MYO16: variants seen among roughly 807,000 people sequenced by gnomAD.
The protein encoded by MYO16 is myosin XVI.
Under a neutral mutation model 205.3 loss-of-function variants are expected in MYO16, and 94 were observed. The observed-to-expected ratio is 0.46, with a 90% CI of 0.39 to 0.54. The LOEUF is 0.54. MYO16 is among the 20% of genes least tolerant of loss of function. The pLI, the probability that MYO16 is intolerant of heterozygous loss-of-function variation, is 0.00. For synonymous variants in MYO16, 988 were observed against 954.0 expected (o/e 1.04, Z -0.66); for missense variants, 2,315 against 2,387.5 (o/e 0.97, Z 0.63).
chr13:108,861,935 A>G lies in MYO16; in HGVS notation c.1360-4242A>G, dbSNP rs369079000. ...AGCGTATTTAAAAGAAGCAAAGTGT[A>G]CAATTTTACAGATTCTTTAGGGTTC... On this transcript the variant is annotated intron_variant, in intron 11 of 34. Transcript: ENST00000457511. Among the ~76,000 whole-genome samples, 9 of 152,298 alleles carry G rather than the reference A, an allele frequency of 5.9e-5. No individual in the cohort carries two copies. In the South Asian group the frequency reaches 8.3e-4, roughly 14 times the overall value.
intron 1 of MYO16, among the ~76,000 whole-genome samples, chr13:108,622,757 A>G (rs1166469008): frequency 2.0e-5 from 3 of 152,060 alleles, no homozygotes; most frequent in East Asian, 1.9e-4. Flanking sequence ...GATGGGAAAC[A>G]TGAAGTCGTG....
chr13:108,703,793 G>C (rs1253585386), intron 2 of MYO16, among the ~76,000 whole-genome samples: 1 of 152,092 alleles, frequency 6.6e-6, no homozygotes, highest in Non-Finnish European at 1.5e-5. Flanking sequence ...TCTATTATGG[G>C]CTAAATTTTG....
intron 20 of MYO16, among the ~76,000 whole-genome samples, chr13:108,976,912 G>C (rs1884280947): frequency 6.6e-6 from 1 of 151,960 alleles, no homozygotes; most frequent in Non-Finnish European, 1.5e-5. Context: ...TTTGCCTCAG[G>C]TTTTCGTTAT....
At chr13:108,653,751 G>T (rs1881115682) in intron 1 of MYO16, among the ~76,000 whole-genome samples, 1 of 150,834 alleles carries the variant, frequency 6.6e-6, no homozygotes, top group African/African-American at 2.4e-5. Context: ...GGATATATAT[G>T]CTTATATGCA....
intron 16 of MYO16, among the ~76,000 whole-genome samples, chr13:108,943,020 G>A (rs1319345615): frequency 6.6e-6 from 1 of 152,158 alleles, no homozygotes; most frequent in African/African-American, 2.4e-5. Flanking sequence ...AGCATGATTA[G>A]TATCAAATTA....
chr13:108,747,224 A>G (rs955650104), intron 4 of MYO16, among the ~76,000 whole-genome samples: 2 of 152,242 alleles, frequency 1.3e-5, no homozygotes, highest in Admixed American at 1.3e-4. Context: ...TACATGAAGA[A>G]TAGAGAACAT....
Position 108,898,042 on chromosome 13 carries a change from A to G in MYO16, c.1686A>G (p.Gly562=). The G allele has an allele frequency of 6.2e-7, 1 of 1,613,928 alleles. No homozygotes were observed. Among genetic ancestry groups the G allele is most frequent in the Non-Finnish European group, 8.5e-7 (1 of 1,179,782 alleles). The change falls in exon 15 of 35, where the codon GGA becomes GGG. Residue 562 remains glycine, a synonymous_variant. Transcript: ENST00000457511. The part of the protein sequence containing the change: ...KHVVCILEAF[G]HAKTTLNDLS... ...TCGTGTGCATCTTAGAAGCCTTTGGACATGCCAAGACCACACTTAATGATT... is the reference window on the plus strand; with the variant it reads ...TCGTGTGCATCTTAGAAGCCTTTGGGCATGCCAAGACCACACTTAATGATT...
intron 1 of MYO16, among the ~76,000 whole-genome samples, chr13:108,621,053 A>ACCTCTCTTC (rs2139334925): frequency 6.6e-6 from 1 of 151,748 alleles, no homozygotes; most frequent in East Asian, 1.9e-4. Flanking sequence ...GATACCACAC[A>ACCTCTCTTC]CCTCTCTTCT....
the MYO16 span, among the ~76,000 whole-genome samples, chr13:108,581,715 A>G: frequency 6.6e-6 from 1 of 151,578 alleles, no homozygotes; most frequent in African/African-American, 2.4e-5. Flanking sequence ...GTGAAACCCC[A>G]CCTCTACTAA....
intron 9 of MYO16, among the ~76,000 whole-genome samples, chr13:108,829,694 G>A (rs566469971): frequency 2.6e-5 from 4 of 152,182 alleles, no homozygotes; most frequent in Non-Finnish European, 5.9e-5. Context: ...ACTGCTTGGA[G>A]TTGATCCCAG....
intron 14 of MYO16, among the ~76,000 whole-genome samples, chr13:108,894,188 G>A (rs1488022930): frequency 1.3e-5 from 2 of 152,088 alleles, no homozygotes; most frequent in East Asian, 1.9e-4. Flanking sequence ...AGAGCAGCAT[G>A]GGGAAAACTG....
chr13:108,655,095 G>T (rs1427976709), intron 1 of MYO16, among the ~76,000 whole-genome samples: 1 of 151,836 alleles, frequency 6.6e-6, no homozygotes, highest in Admixed American at 6.5e-5. Context: ...GTAACAAGCA[G>T]CCGAATGTTA....
chr13:109,122,686 C>CAAA (rs34459718), intron 29 of MYO16, among the ~76,000 whole-genome samples: 2 of 99,110 alleles, frequency 2.0e-5, no homozygotes, highest in Non-Finnish European at 4.2e-5. Flanking sequence ...AACTCTGTCT[C>CAAA]AAAAAAAAAA....
chr13:108,549,450 C>T, the MYO16 span, among the ~76,000 whole-genome samples: 1 of 151,758 alleles, frequency 6.6e-6, no homozygotes, highest in African/African-American at 2.4e-5. Flanking sequence ...CTATTTTGGA[C>T]TTCTGACCAC....
intron 23 of MYO16, among the ~76,000 whole-genome samples, chr13:109,025,271 T>A (rs1179848427): frequency 6.6e-6 from 1 of 152,184 alleles, no homozygotes; most frequent in Non-Finnish European, 1.5e-5. Context: ...TCCTGAAAGC[T>A]CTGACCAGGA....
At chr13:109,103,906 AT>A (rs1443274990) in intron 28 of MYO16, among the ~76,000 whole-genome samples, 2 of 152,252 alleles carry the variant, frequency 1.3e-5, no homozygotes, top group Non-Finnish European at 2.9e-5. Flanking sequence ...TTAATAAAAA[AT>A]AATTCCTCTC....
the MYO16 span, among the ~76,000 whole-genome samples, chr13:108,542,137 C>G: frequency 6.6e-6 from 1 of 151,976 alleles, no homozygotes; most frequent in Non-Finnish European, 1.5e-5. Context: ...ACTATATAGC[C>G]ATAAGAAAGA....
chr13:108,559,470 CTTTTTT>C, the MYO16 span, among the ~76,000 whole-genome samples: 13 of 87,422 alleles, frequency 1.5e-4, no homozygotes, highest in African/African-American at 5.4e-4. Context: ...TTTTTCTTTT[CTTTTTT>C]TTTTTTTTTT....
chr13:108,979,262 A>G (rs1057218557), intron 20 of MYO16, among the ~76,000 whole-genome samples: 3 of 151,396 alleles, frequency 2.0e-5, no homozygotes, highest in African/African-American at 7.3e-5. Flanking sequence ...TCCTGAATTC[A>G]TGAGCTGAAT....
Sources: gnomAD v4.1 joint callset for allele counts (sites outside exome capture counted in the v4.1 genomes callset) on GRCh38, gnomAD v4.1.1 for gene constraint, MANE v1.5 for transcripts, NCBI Gene and HGNC (gene_info 2026-07-23, HGNC 2026-07-21) for gene names.